Variants in FBXL17 observed in about 807,000 individuals in gnomAD.
The protein encoded by FBXL17 is F-box and leucine rich repeat protein 17, also known as F-box/LRR-repeat protein 17.
Under a neutral mutation model 66.2 loss-of-function variants are expected in FBXL17, and 22 were observed. The ratio of observed to expected loss-of-function variants is 0.33; its 90% confidence interval spans 0.24 to 0.47. The LOEUF is 0.47. Among genes scored for constraint, FBXL17 ranks in the 20% least tolerant of loss-of-function variants. The probability of loss-of-function intolerance (pLI) is 1.00; values close to 1 mark genes in which losing one functional copy is unlikely to be tolerated. For synonymous variants in FBXL17, 474 were observed against 400.5 expected, an observed-to-expected ratio of 1.18 and a Z score of -2.19; for missense variants, 878 against 948.2, an observed-to-expected ratio of 0.93 and a Z score of 0.97.
rs112013576 is a variant in FBXL17, at chr5:108,130,695, T to C, written c.1745+55422A>G. ...TTAAAGAATGTCTGCTTTAATATCC[T>C]ACTTTATTTTTTTAACTTTTATAGA... On this transcript the variant is annotated intron_variant, in intron 6 of 8. Transcript: ENST00000542267. 1.0e-3 allele frequency among the ~76,000 whole-genome samples: 156 copies of C among 152,198 alleles called. 1 individual carries two copies. The highest frequency in any genetic ancestry group is 2.0e-3 in the Non-Finnish European group (135 of 67,906).
intron 6 of FBXL17, among the ~76,000 whole-genome samples, chr5:108,148,432 G>A (rs748483286): frequency 1.1e-4 from 16 of 151,966 alleles, no homozygotes; most frequent in Non-Finnish European, 1.6e-4. Context: ...TCTTCCCCTC[G>A]TGTCCCTTTA....
At chr5:107,965,723 C>T (rs1752103189) in intron 7 of FBXL17, among the ~76,000 whole-genome samples, 1 of 152,078 alleles carries the variant, frequency 6.6e-6, no homozygotes, top group Non-Finnish European at 1.5e-5. Flanking sequence ...GGAGGTATAG[C>T]CAGTTGAGGT....
At chr5:108,222,046 T>C (rs1443556083) in intron 5 of FBXL17, among the ~76,000 whole-genome samples, 1 of 152,226 alleles carries the variant, frequency 6.6e-6, no homozygotes, top group African/African-American at 2.4e-5. Context: ...TGATTGTTGA[T>C]AGACCAAACC....
In FBXL17 at chr5:108,124,667, C is replaced by T. The variant is rs140637548; in HGVS notation, c.1745+61450G>A. On this transcript the variant is annotated intron_variant, in intron 6 of 8. Coordinates refer to ENST00000542267, the MANE Select transcript of FBXL17 (RefSeq NM_001163315.3). ...TACCTGTACATTGAAAATATTTTTA[C>T]AGCAAGCATAAACAGTTTGACAGTA... Among the ~76,000 whole-genome samples, 478 of 152,102 alleles carry T rather than the reference C, an allele frequency of 3.1e-3. 2 individuals carry two copies. The highest frequency in any genetic ancestry group is 0.011 in the African/African-American group (461 of 41,516).
rs542118080 is a variant in FBXL17 at position 107,875,958 on chromosome 5, C to T, written c.1965+5079G>A. ...TCTCATCTTTTCTGGGCGGGCTCTT[C>T]ACGCCTGTGTAATTCTAATTTATGT... On this transcript the variant is annotated intron_variant, in intron 8 of 8. Coordinates refer to ENST00000542267, the MANE Select transcript of FBXL17 (RefSeq NM_001163315.3). 2.0e-5 allele frequency among the ~76,000 whole-genome samples: 3 copies of T among 152,330 alleles called. No individual in the cohort carries two copies. The South Asian group carries it at 6.2e-4, about 32-fold the overall frequency.
At chr5:108,085,770 A>G (rs1442525479) in intron 6 of FBXL17, among the ~76,000 whole-genome samples, 1 of 152,138 alleles carries the variant, frequency 6.6e-6, no homozygotes, top group Non-Finnish European at 1.5e-5. Flanking sequence ...CCCGGTCTCA[A>G]CAAAAAATAC....
intron 6 of FBXL17, among the ~76,000 whole-genome samples, chr5:108,029,867 G>T (rs1225189157): frequency 1.3e-5 from 2 of 151,936 alleles, no homozygotes; most frequent in Non-Finnish European, 2.9e-5. Flanking sequence ...CGAGATTCCA[G>T]AAGAGGCTAT....
chr5:107,861,947 C>T, intron 8 of FBXL17, 87 bp from the exon 9 acceptor site: 2 of 1,335,110 alleles, frequency 1.5e-6, no homozygotes, highest in East Asian at 5.5e-5. Context: ...GCAGCTGGCT[C>T]ACTGTGACAC....
intron 7 of FBXL17, among the ~76,000 whole-genome samples, chr5:107,911,814 A>C (rs983831640): frequency 6.6e-5 from 10 of 152,154 alleles, no homozygotes; most frequent in African/African-American, 2.4e-4. Flanking sequence ...AGGGTCAAGA[A>C]TATATATTTT....
intron 7 of FBXL17, among the ~76,000 whole-genome samples, chr5:107,924,060 GTTT>G (rs34494908): frequency 0.2 from 21,244 of 106,908 alleles, 2,410 homozygotes; most frequent in Admixed American, 0.36. Flanking sequence ...TGAGCTTAGT[GTTT>G]TTTTTTTTTT....
rs192420854 is a variant in FBXL17, at chr5:107,904,700, C to T, written c.1823-23521G>A. 1.8e-3 allele frequency among the ~76,000 whole-genome samples: 269 copies of T among 151,960 alleles called. 1 individual carries two copies. The highest frequency in any genetic ancestry group is 3.1e-3 in the Admixed American group (48 of 15,248). On this transcript the variant is annotated intron_variant, in intron 7 of 8. Transcript: ENST00000542267. Reference sequence around the variant, plus strand: ...CTCCTTAATGGAATATTTATTCATGCTAATAATAAAATGTAATAACAAAAC... The same window carrying T: ...CTCCTTAATGGAATATTTATTCATGTTAATAATAAAATGTAATAACAAAAC...
At chr5:108,319,031 T>C (rs1289924234) in intron 4 of FBXL17, among the ~76,000 whole-genome samples, 1 of 151,868 alleles carries the variant, frequency 6.6e-6, no homozygotes, top group Non-Finnish European at 1.5e-5. Context: ...CTTTGTCTAC[T>C]CCCCTGAAAG....
At chr5:108,130,681 C>T (rs1750897007) in intron 6 of FBXL17, among the ~76,000 whole-genome samples, 1 of 151,958 alleles carries the variant, frequency 6.6e-6, no homozygotes, top group African/African-American at 2.4e-5. Flanking sequence ...TAAAGAATGT[C>T]TGCTTTAATA....
At chr5:107,949,530 G>A (rs968804005) in intron 7 of FBXL17, among the ~76,000 whole-genome samples, 2 of 152,140 alleles carry the variant, frequency 1.3e-5, no homozygotes, top group Non-Finnish European at 2.9e-5. Flanking sequence ...TCACAAGAAG[G>A]AAGACTTCCA....
intron 8 of FBXL17, chr5:107,878,487 A>G: frequency 1.5e-6 from 1 of 663,852 alleles, no homozygotes; most frequent in South Asian, 6.8e-5. Context: ...ACGAGGGAAC[A>G]GGCACTGAGA....
intron 7 of FBXL17, among the ~76,000 whole-genome samples, chr5:108,009,233 A>C (rs10043814): frequency 1.7e-5 from 1 of 58,628 alleles, no homozygotes; most frequent in African/African-American, 6.2e-5. Context: ...ATATATATAT[A>C]CAGCTTGGTC....
chr5:108,346,205 C>G (rs1031565097), intron 4 of FBXL17, among the ~76,000 whole-genome samples: 1 of 151,878 alleles, frequency 6.6e-6, no homozygotes, highest in Non-Finnish European at 1.5e-5. Context: ...TCTCAATTAT[C>G]CAATAAAGAG....
rs1749691166 is a variant in FBXL17 at position 108,103,882 on chromosome 5, T to TA, written c.1745+82234dup. On this transcript the variant is annotated intron_variant, in intron 6 of 8. Transcript: ENST00000542267. ...TCTCAGTCCCCAACCAAGTCACTGTTAAACTTTTTGTTGATTTACCCTTTT... is the reference window on the plus strand; with the variant it reads ...TCTCAGTCCCCAACCAAGTCACTGTTAAAACTTTTTGTTGATTTACCCTTTT... Among the ~76,000 whole-genome samples the TA allele has an allele frequency of 5.3e-5, 8 of 152,320 alleles. No individual in the cohort carries two copies. The South Asian group carries it at 1.7e-3, about 32-fold the overall frequency.
intron 5 of FBXL17, among the ~76,000 whole-genome samples, chr5:108,198,632 C>T (rs1295728414): frequency 2.0e-5 from 3 of 152,130 alleles, no homozygotes; most frequent in Admixed American, 2.0e-4. Context: ...AGGTCAAGAA[C>T]TCCCCAAACA....
Sources: allele counts gnomAD v4.1 joint callset (sites outside exome capture counted in the v4.1 genomes callset), GRCh38; gene constraint gnomAD v4.1.1; transcripts MANE v1.5; gene names NCBI Gene and HGNC (gene_info 2026-07-23, HGNC 2026-07-21).